CDH12: variants seen among roughly 807,000 people sequenced by gnomAD.
The protein encoded by CDH12 is cadherin-12.
Under a neutral mutation model 74.1 loss-of-function variants are expected in CDH12, and 41 were observed. That is an observed-to-expected ratio of 0.55 (90% CI 0.43 to 0.72). The LOEUF is 0.72. Among genes scored for constraint, CDH12 ranks in the 30% least tolerant of loss-of-function variants. The pLI is 0.00. For synonymous variants in CDH12, 399 were observed against 355.0 expected, an observed-to-expected ratio of 1.12 and a Z score of -1.39; for missense variants, 945 against 977.2, an observed-to-expected ratio of 0.97 and a Z score of 0.44.
chr5:22,249,176 G>T (rs7723571), intron 3 of CDH12, among the ~76,000 whole-genome samples: 1 of 151,912 alleles, frequency 6.6e-6, no homozygotes, highest in Non-Finnish European at 1.5e-5. Flanking sequence ...CTGGACCATA[G>T]TGTCAATTAA....
At chr5:22,372,561 T>G (rs1741339107) in intron 3 of CDH12, among the ~76,000 whole-genome samples, 1 of 152,080 alleles carries the variant, frequency 6.6e-6, no homozygotes, top group South Asian at 2.1e-4. Flanking sequence ...AGCTGCGACA[T>G]GCAAGGGAGT....
intron 3 of CDH12, among the ~76,000 whole-genome samples, chr5:22,289,034 G>A (rs763424328): frequency 6.6e-6 from 1 of 152,030 alleles, no homozygotes; most frequent in Non-Finnish European, 1.5e-5. Flanking sequence ...GGAATAAAAT[G>A]TAATATAAAT....
intron 6 of CDH12, among the ~76,000 whole-genome samples, chr5:21,901,906 A>G (rs1232679281): frequency 1.0e-5 from 1 of 99,092 alleles, no homozygotes; most frequent in Non-Finnish European, 2.6e-5. Flanking sequence ...TATAATTATG[A>G]CTTTATTGTA....
chr5:21,881,805 T>C (rs1445608423), intron 6 of CDH12, among the ~76,000 whole-genome samples: 4 of 152,186 alleles, frequency 2.6e-5, no homozygotes, highest in Non-Finnish European at 5.9e-5. Context: ...GTAGCTACAC[T>C]TGCCTAAGAT....
At chr5:22,426,055 C>A (rs374975085) in intron 2 of CDH12, among the ~76,000 whole-genome samples, 1 of 151,838 alleles carries the variant, frequency 6.6e-6, no homozygotes, top group East Asian at 1.9e-4. Context: ...GGTGTGGTGG[C>A]GGGCGCCTGT....
chr5:22,608,773 T>C (rs1737245036), intron 1 of CDH12, among the ~76,000 whole-genome samples: 1 of 152,090 alleles, frequency 6.6e-6, no homozygotes, highest in Non-Finnish European at 1.5e-5. Context: ...ATCTGATGGT[T>C]TTATAAGTGG....
intron 5 of CDH12, among the ~76,000 whole-genome samples, chr5:22,030,079 C>G (rs985340073): frequency 7.8e-6 from 1 of 128,534 alleles, no homozygotes; most frequent in Admixed American, 1.0e-4. Context: ...CACATGGACA[C>G]GAGAAGGGGA....
At chr5:22,356,841 C>T (rs77132775) in intron 3 of CDH12, among the ~76,000 whole-genome samples, 6,151 of 152,044 alleles carry the variant, frequency 0.04, 425 homozygotes, top group African/African-American at 0.14. Flanking sequence ...AACAAGATTG[C>T]GTATGTGTCA....
intron 2 of CDH12, among the ~76,000 whole-genome samples, chr5:22,478,674 T>C (rs933239901): frequency 2.0e-5 from 3 of 151,914 alleles, no homozygotes; most frequent in African/African-American, 7.3e-5. Context: ...TGCTGCTTAC[T>C]AGATAGGTTG....
chr5:22,209,014 A>G (rs753057923), intron 4 of CDH12, among the ~76,000 whole-genome samples: 1 of 152,220 alleles, frequency 6.6e-6, no homozygotes, highest in Non-Finnish European at 1.5e-5. Flanking sequence ...TCATATTTGT[A>G]GTCATTGTGG....
intron 6 of CDH12, among the ~76,000 whole-genome samples, chr5:21,942,534 T>C (rs1360131908): frequency 1.3e-5 from 2 of 151,828 alleles, no homozygotes; most frequent in East Asian, 1.9e-4. Flanking sequence ...TAGTGCTCTA[T>C]TGTTTTCCTT....
At chr5:22,640,882 T>A (rs1739112253) in intron 1 of CDH12, among the ~76,000 whole-genome samples, 1 of 152,154 alleles carries the variant, frequency 6.6e-6, no homozygotes, top group South Asian at 2.1e-4. Flanking sequence ...AAAATCATCT[T>A]TGGAAAATAC....
At chr5:22,574,793 A>G (rs1038050684) in intron 1 of CDH12, among the ~76,000 whole-genome samples, 1 of 152,084 alleles carries the variant, frequency 6.6e-6, no homozygotes, top group Non-Finnish European at 1.5e-5. Flanking sequence ...AAGTGCTTCC[A>G]TACCTGTTAG....
chr5:22,592,953 C>T (rs1166595948), intron 1 of CDH12, among the ~76,000 whole-genome samples: 2 of 150,566 alleles, frequency 1.3e-5, no homozygotes, highest in East Asian at 2.0e-4. Context: ...TCGCTGGAAC[C>T]CAGGAGGCGG....
At chr5:22,802,880 C>T (rs532319972) in intron 1 of CDH12, among the ~76,000 whole-genome samples, 17 of 152,254 alleles carry the variant, frequency 1.1e-4, no homozygotes, top group African/African-American at 3.1e-4. Flanking sequence ...AAATTTATTT[C>T]TACTTCCTAT....
chr5:22,101,331 T>A (rs537757682), intron 4 of CDH12, among the ~76,000 whole-genome samples: 1 of 152,322 alleles, frequency 6.6e-6, no homozygotes, highest in South Asian at 2.1e-4. Context: ...TCCCGGTATG[T>A]ATGTATTGTA....
intron 3 of CDH12, among the ~76,000 whole-genome samples, chr5:22,230,584 C>A (rs1261543323): frequency 2.0e-5 from 3 of 151,634 alleles, no homozygotes; most frequent in Admixed American, 6.6e-5. Context: ...GATTCTCCTG[C>A]CCCAGCCTCC....
intron 2 of CDH12, among the ~76,000 whole-genome samples, chr5:22,459,425 A>C (rs1745413325): frequency 6.6e-6 from 1 of 152,172 alleles, no homozygotes; most frequent in Non-Finnish European, 1.5e-5. Flanking sequence ...TCAAATAATA[A>C]ACAAAAAATG....
In CDH12 at chr5:22,327,207, C is replaced by G. The variant is rs550260582; in HGVS notation, c.-333+78050G>C. Among the ~76,000 whole-genome samples, 205 of 151,848 alleles carry G rather than the reference C, an allele frequency of 1.4e-3. 1 individual carries two copies. Among genetic ancestry groups the G allele is most frequent in the Non-Finnish European group, 2.2e-3 (147 of 67,954 alleles). ...GGCTTTGTCCCCACACTCGAGGACT[C>G]CTGGGAAATGAAAGGTCAACATGTA... is the stretch of plus-strand genomic sequence containing the variant. On this transcript the variant is annotated intron_variant, in intron 3 of 14. Coordinates refer to ENST00000382254, the MANE Select transcript of CDH12 (RefSeq NM_004061.5).
Sources: gnomAD v4.1 joint callset for allele counts (sites outside exome capture counted in the v4.1 genomes callset) on GRCh38, gnomAD v4.1.1 for gene constraint, MANE v1.5 for transcripts, NCBI Gene and HGNC (gene_info 2026-07-23, HGNC 2026-07-21) for gene names.